Variants in CSMD3 observed in about 807,000 individuals in gnomAD.
CSMD3 encodes CUB and Sushi multiple domains 3.
In CSMD3, 177 loss-of-function variants were observed where a neutral mutation model predicts 435.2. The observed-to-expected ratio is 0.41, with a 90% CI of 0.36 to 0.46. The LOEUF (loss-of-function observed/expected upper bound fraction) is 0.46. CSMD3 is among the 20% of genes least tolerant of loss of function. The pLI, the probability that CSMD3 is intolerant of heterozygous loss-of-function variation, is 0.34. For synonymous variants in CSMD3, 1,656 were observed against 1,520.5 expected (o/e 1.09, Z -2.07); for missense variants, 4,265 against 4,504.6 (o/e 0.95, Z 1.52).
At chr8:112,278,774 C>G (rs1031472407) in intron 59 of CSMD3, among the ~76,000 whole-genome samples, 1 of 152,086 alleles carries the variant, frequency 6.6e-6, no homozygotes, top group Non-Finnish European at 1.5e-5. Context: ...TGTCTGTCAT[C>G]AAAAAGATTC....
intron 5 of CSMD3, among the ~76,000 whole-genome samples, chr8:113,067,037 ATATTTG>A (rs1319920532): frequency 3.6e-4 from 55 of 152,232 alleles, no homozygotes; most frequent in African/African-American, 1.2e-3. Context: ...TTCAAGATTG[ATATTTG>A]CTCCCTTTTG....
chr8:112,418,482 T>C (rs569822378), intron 32 of CSMD3, among the ~76,000 whole-genome samples: 2 of 152,282 alleles, frequency 1.3e-5, no homozygotes, highest in South Asian at 2.1e-4. Context: ...GTACTTATTG[T>C]ATAAATAGCT....
intron 4 of CSMD3, among the ~76,000 whole-genome samples, chr8:113,163,629 T>C (rs1225884176): frequency 1.3e-5 from 2 of 152,078 alleles, no homozygotes. Flanking sequence ...ATGCTTTTGA[T>C]TCTGTTTTCA....
intron 13 of CSMD3, among the ~76,000 whole-genome samples, chr8:112,714,174 A>T (rs1182094599): frequency 6.6e-6 from 1 of 151,994 alleles, no homozygotes; most frequent in African/African-American, 2.4e-5. Context: ...TATTCAGGAG[A>T]CCCATCTTAT....
At chr8:113,136,321 G>T (rs1029028033) in intron 4 of CSMD3, among the ~76,000 whole-genome samples, 2 of 151,742 alleles carry the variant, frequency 1.3e-5, no homozygotes, top group African/African-American at 4.8e-5. Context: ...TATGACTAAT[G>T]AAGAGAATTT....
intron 45 of CSMD3, among the ~76,000 whole-genome samples, chr8:112,330,965 T>A (rs1437259161): frequency 6.6e-6 from 1 of 152,160 alleles, no homozygotes; most frequent in East Asian, 1.9e-4. Context: ...TTCTACTTAT[T>A]AGTTCTCTGG....
intron 3 of CSMD3, among the ~76,000 whole-genome samples, chr8:113,208,809 A>C (rs1243366484): frequency 6.6e-6 from 1 of 152,084 alleles, no homozygotes; most frequent in Admixed American, 6.6e-5. Flanking sequence ...GTAAGGGTAC[A>C]TGTAGTGAAT....
At chr8:112,845,079 CTTTGTTGG>C (rs1333729886) in intron 11 of CSMD3, among the ~76,000 whole-genome samples, 12 of 152,036 alleles carry the variant, frequency 7.9e-5, no homozygotes, top group Middle Eastern at 3.4e-3. Flanking sequence ...ATTTTGCCTA[CTTTGTTGG>C]TAAGAACCAG....
rs1277506412 is a variant in CSMD3 at position 112,620,896 on chromosome 8, A to G, written c.3715+15921T>C. On this transcript the variant is annotated intron_variant, in intron 22 of 70. Coordinates refer to ENST00000297405, the MANE Select transcript of CSMD3 (RefSeq NM_198123.2). The stretch of plus-strand genomic sequence containing the variant: ...CCTCATATCTCATTGGTCTTTGGTT[A>G]ACATCTGAAATGTACTTTCAAATGT... 3.3e-5 allele frequency among the ~76,000 whole-genome samples: 5 copies of G among 152,296 alleles called. No individual in the cohort carries two copies. In the East Asian group the frequency reaches 9.7e-4, roughly 29 times the overall value.
chr8:112,288,760 A>G (rs1180170776), intron 57 of CSMD3, among the ~76,000 whole-genome samples: 1 of 151,978 alleles, frequency 6.6e-6, no homozygotes, highest in African/African-American at 2.4e-5. Flanking sequence ...CCAAATACTT[A>G]CTCTGTGAAC....
chr8:112,569,592 T>C (rs1177864566), intron 24 of CSMD3, among the ~76,000 whole-genome samples: 1 of 152,100 alleles, frequency 6.6e-6, no homozygotes. Flanking sequence ...AAACTGAAAA[T>C]AATCAGACAA....
chr8:113,250,896 G>A (rs1384969579), intron 3 of CSMD3, among the ~76,000 whole-genome samples: 2 of 151,994 alleles, frequency 1.3e-5, no homozygotes, highest in Non-Finnish European at 2.9e-5. Context: ...CCATATTTAT[G>A]AATAGAATTG....
chr8:112,678,034 C>T (rs1180515761), intron 16 of CSMD3, among the ~76,000 whole-genome samples: 4 of 152,106 alleles, frequency 2.6e-5, no homozygotes, highest in African/African-American at 7.2e-5. Context: ...TTTTTAAGCA[C>T]ATATTTATCT....
chr8:113,320,357 T>C (rs138015802), intron 1 of CSMD3, among the ~76,000 whole-genome samples: 1 of 152,168 alleles, frequency 6.6e-6, no homozygotes, highest in African/African-American at 2.4e-5. Context: ...CATCAAGAGT[T>C]TGATTAACAA....
chr8:112,851,842 G>C (rs1349112549), intron 11 of CSMD3, among the ~76,000 whole-genome samples: 1 of 151,974 alleles, frequency 6.6e-6, no homozygotes, highest in Non-Finnish European at 1.5e-5. Flanking sequence ...ATACTTATTT[G>C]AATGAATAAG....
At chr8:113,003,964 C>T (rs894453428) in intron 6 of CSMD3, among the ~76,000 whole-genome samples, 1 of 151,860 alleles carries the variant, frequency 6.6e-6, no homozygotes, top group African/African-American at 2.4e-5. Context: ...AACAATTCCC[C>T]CCAAAAAAGT....
At chr8:113,144,353 C>T (rs2091621867) in intron 4 of CSMD3, among the ~76,000 whole-genome samples, 1 of 151,286 alleles carries the variant, frequency 6.6e-6, no homozygotes, top group African/African-American at 2.4e-5. Flanking sequence ...ATAATATTCG[C>T]CAAATCTGTG....
chr8:113,334,583 G>A (rs2094056276), intron 1 of CSMD3, among the ~76,000 whole-genome samples: 1 of 151,940 alleles, frequency 6.6e-6, no homozygotes, highest in Non-Finnish European at 1.5e-5. Flanking sequence ...AGTGATACCT[G>A]CTTCATGAAA....
At chr8:112,529,587 C>CA (rs1398228501) in intron 27 of CSMD3, among the ~76,000 whole-genome samples, 1 of 151,796 alleles carries the variant, frequency 6.6e-6, no homozygotes, top group Non-Finnish European at 1.5e-5. Flanking sequence ...GACTCTGCCT[C>CA]AAAAAAACAA....
Sources: gnomAD v4.1 joint callset for allele counts (sites outside exome capture counted in the v4.1 genomes callset) on GRCh38, gnomAD v4.1.1 for gene constraint, MANE v1.5 for transcripts, NCBI Gene and HGNC (gene_info 2026-07-23, HGNC 2026-07-21) for gene names.